The following C3orf49 variants were observed in gnomAD, a reference collection of about 807,000 sequenced individuals.
The protein encoded by C3orf49 is chromosome 3 open reading frame 49, also known as putative uncharacterized protein C3orf49.
A neutral mutation model predicts 13.3 loss-of-function variants in C3orf49; 27 were observed. The observed-to-expected ratio is 2.02, with a 90% CI of 1.49 to 2.79. C3orf49 has a LOEUF of 2.79. Ranked by LOEUF, C3orf49 falls within the 30% of genes most tolerant of loss-of-function variation. The probability of loss-of-function intolerance (pLI) is 0.00; values close to 1 mark genes in which losing one functional copy is unlikely to be tolerated. For missense variants in C3orf49, 242 were observed against 134.2 expected, an observed-to-expected ratio of 1.80 and a Z score of -3.97; for synonymous variants, 87 against 47.6, an observed-to-expected ratio of 1.83 and a Z score of -3.40.
intron 5 of C3orf49, chr3:63,833,890 T>C (rs1701569824): frequency 2.4e-6 from 1 of 422,000 alleles, no homozygotes; most frequent in Non-Finnish European, 4.2e-6. Context: ...AAGCATTTTA[T>C]TAAGCATTTT....
intron 5 of C3orf49, among the ~76,000 whole-genome samples, chr3:63,840,108 T>A (rs1386971324): frequency 6.6e-6 from 1 of 152,112 alleles, no homozygotes; most frequent in African/African-American, 2.4e-5. Context: ...GGTTGTTGAG[T>A]GGAAATAATT....
the C3orf49 span, among the ~76,000 whole-genome samples, chr3:63,790,598 C>CT: frequency 0.019 from 2,682 of 137,690 alleles, 72 homozygotes; most frequent in African/African-American, 0.065. Flanking sequence ...ACATCTACCT[C>CT]TTTTTTTTTT....
At chr3:63,800,530 C>A in the C3orf49 span, among the ~76,000 whole-genome samples, 1 of 151,888 alleles carries the variant, frequency 6.6e-6, no homozygotes, top group Non-Finnish European at 1.5e-5. Context: ...CAAGTATAGA[C>A]CAATGAGATT....
the C3orf49 span, among the ~76,000 whole-genome samples, chr3:63,781,810 A>T: frequency 6.6e-6 from 1 of 152,208 alleles, no homozygotes; most frequent in Non-Finnish European, 1.5e-5. Flanking sequence ...ACTTACCTAC[A>T]GTTTAGACAA....
At chr3:63,841,159 T>G (rs1300543042) in intron 5 of C3orf49, among the ~76,000 whole-genome samples, 1 of 152,024 alleles carries the variant, frequency 6.6e-6, no homozygotes, top group Non-Finnish European at 1.5e-5. Flanking sequence ...ACAAAACAGG[T>G]GTAGAAAAGC....
chr3:63,815,754 T>C (rs1461995770), upstream of C3orf49, among the ~76,000 whole-genome samples: 9 of 150,408 alleles, frequency 6.0e-5, no homozygotes, highest in Non-Finnish European at 1.3e-4. Flanking sequence ...TGTTTGTTTT[T>C]TTCTTTTCTT....
chr3:63,838,115 T>C (rs1295962636), intron 5 of C3orf49: 1 of 1,479,342 alleles, frequency 6.8e-7, no homozygotes, highest in African/African-American at 1.4e-5. Flanking sequence ...ATAATCCATT[T>C]TTAATTTTAA....
At chr3:63,817,088 T>G (rs370040692), upstream of C3orf49, among the ~76,000 whole-genome samples, 17 of 152,072 alleles carry the variant, frequency 1.1e-4, no homozygotes, top group East Asian at 1.2e-3. Context: ...TCTTCCACAT[T>G]TTCAAAGACA....
intron 5 of C3orf49, chr3:63,834,297 C>T (rs1273383921): frequency 2.6e-6 from 3 of 1,165,824 alleles, no homozygotes; most frequent in Non-Finnish European, 3.7e-6. Context: ...TTAGCCAATA[C>T]AATTAAAGCT....
chr3:63,796,067 T>C, the C3orf49 span, among the ~76,000 whole-genome samples: 8 of 152,188 alleles, frequency 5.3e-5, no homozygotes, highest in African/African-American at 1.7e-4. Flanking sequence ...ATATTAATAA[T>C]AGAATCTAGT....
At chr3:63,785,614 A>G in the C3orf49 span, among the ~76,000 whole-genome samples, 8 of 152,168 alleles carry the variant, frequency 5.3e-5, no homozygotes, top group African/African-American at 1.9e-4. Context: ...AGGAGATGGC[A>G]TGTGTGTGCA....
chr3:63,835,754 C>A (rs187179147), intron 5 of C3orf49, among the ~76,000 whole-genome samples: 2 of 152,036 alleles, frequency 1.3e-5, no homozygotes, highest in African/African-American at 4.8e-5. Context: ...TTGAATCTTA[C>A]GCCTAGTCCT....
chr3:63,843,834 G>A (rs1701824744), intron 5 of C3orf49, among the ~76,000 whole-genome samples: 1 of 152,020 alleles, frequency 6.6e-6, no homozygotes, highest in South Asian at 2.1e-4. Flanking sequence ...CCGGGAGGCG[G>A]AGCTTGCAGT....
rs148103686 is a variant in C3orf49, at chr3:63,834,065, C to T, written c.849+2221C>T. On this transcript the variant is annotated intron_variant, in intron 5 of 6. Coordinates refer to ENST00000295896, the MANE Select transcript of C3orf49 (RefSeq NM_001355236.2). ...CTTTAAATATCTCAAGAGCATACCACATTTTAAACACATTATGGTCATGTA... is the reference window on the plus strand; with the variant it reads ...CTTTAAATATCTCAAGAGCATACCATATTTTAAACACATTATGGTCATGTA... 38 of 1,518,206 alleles carry T rather than the reference C, an allele frequency of 2.5e-5. No individual in the cohort carries two copies. In the East Asian group the frequency reaches 8.4e-4, roughly 34 times the overall value. 94.0% of individuals were successfully genotyped at this position (1,518,206 alleles called of 1,614,324 possible).
At chr3:63,797,619 G>A in the C3orf49 span, among the ~76,000 whole-genome samples, 2 of 152,108 alleles carry the variant, frequency 1.3e-5, no homozygotes, top group East Asian at 1.9e-4. Context: ...CCAGTCTATG[G>A]TTCCAGAAGC....
intron 6 of C3orf49, among the ~76,000 whole-genome samples, chr3:63,846,902 TG>T (rs1050440001): frequency 6.6e-6 from 1 of 152,162 alleles, no homozygotes. Context: ...AATTACAGTT[TG>T]AAAAGCCATT....
chr3:63,800,980 CTCA>C, the C3orf49 span, among the ~76,000 whole-genome samples: 1 of 152,128 alleles, frequency 6.6e-6, no homozygotes, highest in East Asian at 1.9e-4. Context: ...TAAGCAAATG[CTCA>C]TCAAGTGTCC....
the C3orf49 span, among the ~76,000 whole-genome samples, chr3:63,790,194 G>A: frequency 1.3e-5 from 2 of 152,166 alleles, no homozygotes; most frequent in Non-Finnish European, 2.9e-5. Flanking sequence ...TGCAAGTGGA[G>A]TATGATTTGC....
the C3orf49 span, among the ~76,000 whole-genome samples, chr3:63,793,170 T>A: frequency 6.6e-6 from 1 of 152,154 alleles, no homozygotes; most frequent in East Asian, 1.9e-4. Flanking sequence ...GGGCAATGAC[T>A]ATATCAACTG....
Sources: gnomAD v4.1 joint callset for allele counts (sites outside exome capture counted in the v4.1 genomes callset) on GRCh38, gnomAD v4.1.1 for gene constraint, MANE v1.5 for transcripts, NCBI Gene and HGNC (gene_info 2026-07-23, HGNC 2026-07-21) for gene names.